The following GTF3C5 variants were observed in gnomAD, a reference collection of about 807,000 sequenced individuals.
The protein encoded by GTF3C5 is general transcription factor IIIC subunit 5.
Under a neutral mutation model 61.0 loss-of-function variants are expected in GTF3C5, and 47 were observed. The ratio of observed to expected loss-of-function variants is 0.77; its 90% CI spans 0.61 to 0.98. GTF3C5 has a LOEUF of 0.98. Among genes scored for constraint, GTF3C5 ranks in the 50% least tolerant of loss-of-function variants. The pLI is 0.00. For synonymous variants in GTF3C5, 295 were observed against 275.4 expected, an observed-to-expected ratio of 1.07 and a Z score of -0.71; for missense variants, 659 against 703.3, an observed-to-expected ratio of 0.94 and a Z score of 0.71.
At chr9:133,054,679 C>T (rs1829875232) in intron 7 of GTF3C5, 33 bp from the exon 8 acceptor site, 2 of 1,532,954 alleles carry the variant, frequency 1.3e-6, no homozygotes, top group Non-Finnish European at 1.8e-6. Flanking sequence ...CCCCACCCTG[C>T]ACATTCCAAG....
At chr9:133,031,190 GGAATAA>G (rs1413671452) in intron 1 of GTF3C5, 26 bp downstream of exon 1, 1 of 1,533,410 alleles carries the variant, frequency 6.5e-7, no homozygotes, top group South Asian at 1.2e-5. Context: ...TCTCGGTGTT[GGAATAA>G]GAGCTCGGAG....
intron 1 of GTF3C5, among the ~76,000 whole-genome samples, chr9:133,035,896 C>G (rs146589130): frequency 3.9e-5 from 6 of 152,134 alleles, no homozygotes; most frequent in East Asian, 1.9e-4. Flanking sequence ...AGACCTCGTT[C>G]GGTCCAAATT....
chr9:133,032,412 TAA>T lies in GTF3C5; in HGVS notation c.153+1250_153+1251del, dbSNP rs375794544. On this transcript the variant is annotated intron_variant, in intron 1 of 10. Coordinates refer to ENST00000372097, the MANE Select transcript of GTF3C5 (RefSeq NM_012087.4). Reference sequence around the variant, plus strand: ...GACTAGTTTCGGCGGGAAGGGCAGTTAAACAGAGCGGGTAACTAAGGGCAAGG... The same window carrying T: ...GACTAGTTTCGGCGGGAAGGGCAGTTACAGAGCGGGTAACTAAGGGCAAGG... 5.8e-3 allele frequency among the ~76,000 whole-genome samples: 877 copies of T among 152,192 alleles called. 6 individuals are homozygous for T. The highest frequency in any genetic ancestry group is 0.018 in the African/African-American group (766 of 41,530).
intron 1 of GTF3C5, among the ~76,000 whole-genome samples, chr9:133,041,137 C>T (rs56314203): frequency 0.029 from 4,359 of 152,292 alleles, 72 homozygotes; most frequent in East Asian, 0.066. Context: ...TCTTGCCAAG[C>T]GGACCATGGT....
intron 3 of GTF3C5, 93 bp downstream of exon 3, chr9:133,044,019 C>G (rs1850124286): frequency 2.3e-6 from 2 of 883,192 alleles, no homozygotes; most frequent in Non-Finnish European, 3.6e-6. Flanking sequence ...GTGGTGCACA[C>G]CTGTAATTCC....
chr9:133,030,830 A>ACATGGGCCCTCC (rs1588457734), upstream of GTF3C5: 13 of 716,202 alleles, frequency 1.8e-5, no homozygotes, highest in East Asian at 2.4e-4. Context: ...TTTCCCGAAG[A>ACATGGGCCCTCC]CATGGGCCCT....
intron 5 of GTF3C5, among the ~76,000 whole-genome samples, chr9:133,052,524 C>T (rs192115369): frequency 1.3e-5 from 2 of 152,220 alleles, no homozygotes; most frequent in African/African-American, 2.4e-5. Context: ...GAACCCAGCC[C>T]CTGACCACAG....
chr9:133,054,652 T>G, intron 7 of GTF3C5, 60 bp from the exon 8 acceptor site: 4 of 1,464,912 alleles, frequency 2.7e-6, no homozygotes, highest in Non-Finnish European at 2.8e-6. Context: ...GCATGGTGGT[T>G]GGGAGAGACA....
chr9:133,058,131 C>A lies in GTF3C5; in HGVS notation c.*151C>A. 1 of 1,476,420 alleles carries A rather than the reference C, an allele frequency of 6.8e-7. No homozygotes were observed. Among genetic ancestry groups the A allele is most frequent in the Non-Finnish European group, 9.0e-7 (1 of 1,115,982 alleles). 91.5% of individuals were successfully genotyped at this position (1,476,420 alleles called of 1,614,324 possible). ...GAGTCCCAGCAAAGGGTGCAGCTGACCCTAGCACTGGCTGTGACATGCTGC... is the reference window on the plus strand; with the variant it reads ...GAGTCCCAGCAAAGGGTGCAGCTGAACCTAGCACTGGCTGTGACATGCTGC... On this transcript the variant is annotated 3_prime_UTR_variant, in exon 11 of 11. Coordinates refer to ENST00000372097, the MANE Select transcript of GTF3C5 (RefSeq NM_012087.4).
At chr9:133,056,934 G>A (rs778943031) in intron 10 of GTF3C5, 26 bp downstream of exon 10, 4 of 1,551,350 alleles carry the variant, frequency 2.6e-6, no homozygotes, top group South Asian at 2.4e-5. Flanking sequence ...GGTAAAGGGG[G>A]TCCAGGATGC....
intron 3 of GTF3C5, among the ~76,000 whole-genome samples, chr9:133,046,653 A>AG (rs1273380432): frequency 1.3e-5 from 2 of 152,166 alleles, no homozygotes; most frequent in Non-Finnish European, 2.9e-5. Context: ...GGTGCAGTGC[A>AG]GGGGCGGGGA....
chr9:133,054,862 G>A (rs1290978048), intron 8 of GTF3C5, 53 bp downstream of exon 8: 51 of 1,539,860 alleles, frequency 3.3e-5, no homozygotes, highest in Non-Finnish European at 4.0e-5. Flanking sequence ...TCTTGGGGCC[G>A]GGCACCTTGT....
chr9:133,038,552 G>A (rs1159248412), intron 1 of GTF3C5, among the ~76,000 whole-genome samples: 1 of 150,434 alleles, frequency 6.6e-6, no homozygotes, highest in Non-Finnish European at 1.5e-5. Flanking sequence ...CCGGGTTCAA[G>A]CAGTTCTCCT....
intron 1 of GTF3C5, among the ~76,000 whole-genome samples, chr9:133,032,073 C>T (rs953460006): frequency 2.6e-5 from 4 of 152,128 alleles, no homozygotes; most frequent in African/African-American, 9.7e-5. Context: ...TTAATTTTCC[C>T]CCTCTTGAAT....
upstream of GTF3C5, chr9:133,030,859 C>T (rs1279992190): frequency 4.7e-6 from 4 of 855,648 alleles, no homozygotes; most frequent in Admixed American, 2.0e-5. Context: ...CCATTTGCTC[C>T]CTGGAGGCCC....
chr9:133,051,924 C>G (rs543210967), intron 4 of GTF3C5, 136 bp from the exon 5 acceptor site: 1 of 536,044 alleles, frequency 1.9e-6, no homozygotes, highest in East Asian at 3.3e-5. Context: ...TAGGGCCACG[C>G]CCTGTGTGTC....
chr9:133,056,719 G>C (rs373249951), intron 9 of GTF3C5, 47 bp from the exon 10 acceptor site: 52 of 1,531,106 alleles, frequency 3.4e-5, no homozygotes, highest in Non-Finnish European at 3.8e-5. Context: ...TCTCTTAGCA[G>C]AGACCCGCCC....
chr9:133,057,917 G>A lies in GTF3C5; in HGVS notation c.1497G>A (p.Glu499=), dbSNP rs772779466. 20 of 1,613,854 alleles carry A rather than the reference G, an allele frequency of 1.2e-5. No homozygotes were observed. The Admixed American group carries it at 3.3e-4, about 27-fold the overall frequency. Residue 499 remains glutamate (E), a synonymous_variant, in exon 11 of 11, where the codon GAG becomes GAA. Coordinates refer to ENST00000372097, the MANE Select transcript of GTF3C5 (RefSeq NM_012087.4). ...EDEEEEEEEE[E]DFKPSDGSEN... is the part of the protein sequence containing the mutation. ...AGGAGGAGGAGGAAGAGGAGGAGGA[G>A]GACTTCAAGCCATCCGACGGCAGTG...
At position 133,031,038 on chromosome 9, in the gene GTF3C5, G is replaced by A; in HGVS notation, c.27G>A (p.Gly9=). Residue 9 remains glycine, a synonymous_variant, in exon 1 of 11, where the codon GGG becomes GGA. Transcript: ENST00000372097. The stretch of plus-strand genomic sequence containing the variant: ...TGGCGGCGGAGGCGGCCGATTTGGG[G>A]CTGGGGGCCGCCGTCCCCGTGGAGC... MAAEAADL[G]LGAAVPVELR... 1 of 1,612,166 alleles carries A rather than the reference G, an allele frequency of 6.2e-7. No homozygotes were observed. Among genetic ancestry groups the A allele is most frequent in the Non-Finnish European group, 8.5e-7 (1 of 1,179,196 alleles).
Sources: gnomAD v4.1 joint callset for allele counts (sites outside exome capture counted in the v4.1 genomes callset) on GRCh38, gnomAD v4.1.1 for gene constraint, MANE v1.5 for transcripts, NCBI Gene and HGNC (gene_info 2026-07-23, HGNC 2026-07-21) for gene names.